The following MARCHF7 variants were observed in gnomAD, a reference collection of about 807,000 sequenced individuals.
MARCHF7 encodes the protein E3 ubiquitin-protein ligase MARCHF7.
A neutral mutation model predicts 76.5 loss-of-function variants in MARCHF7; 20 were observed. The observed-to-expected ratio is 0.26, with a 90% CI of 0.18 to 0.38. The LOEUF (loss-of-function observed/expected upper bound fraction) is 0.38. MARCHF7 is among the 10% of genes least tolerant of loss of function. The pLI is 1.00. For missense variants in MARCHF7, 797 were observed against 812.9 expected (o/e 0.98, Z 0.24); for synonymous variants, 295 against 293.0 (o/e 1.01, Z -0.07).
intron 3 of MARCHF7, among the ~76,000 whole-genome samples, chr2:159,721,804 A>C (rs377374010): frequency 7.9e-5 from 12 of 152,188 alleles, no homozygotes; most frequent in African/African-American, 2.6e-4. Flanking sequence ...GCCCTATCTG[A>C]CTCCACTTAT....
chr2:159,734,760 C>T (rs1245431786), intron 4 of MARCHF7, among the ~76,000 whole-genome samples: 1 of 149,948 alleles, frequency 6.7e-6, no homozygotes, highest in Admixed American at 6.7e-5. Context: ...TCACTTGTGG[C>T]CAGGAGTTCG....
chr2:159,730,748 T>TAAA (rs1243924273), intron 4 of MARCHF7, among the ~76,000 whole-genome samples: 1 of 152,170 alleles, frequency 6.6e-6, no homozygotes, highest in African/African-American at 2.4e-5. Context: ...TGTCTACTCA[T>TAAA]TTTTGTCTAA....
chr2:159,716,614 G>A (rs576208513), intron 3 of MARCHF7, among the ~76,000 whole-genome samples: 2 of 151,728 alleles, frequency 1.3e-5, no homozygotes, highest in South Asian at 4.2e-4. Flanking sequence ...CTGCACTCTG[G>A]CCTGGGCAGC....
At chr2:159,728,789 C>T (rs545917323) in intron 3 of MARCHF7, among the ~76,000 whole-genome samples, 1 of 152,304 alleles carries the variant, frequency 6.6e-6, no homozygotes, top group East Asian at 1.9e-4. Flanking sequence ...CTTCATTCCA[C>T]TTTTACCATG....
rs746819956 is a variant in MARCHF7 at position 159,748,450 on chromosome 2, C to G, written c.1160C>G (p.Ser387Cys). ...GGTAGAAATACAGGACCATGGTTAT[C>G]TTCCTCACTTAGAAATAGATGCACA... The part of the protein sequence containing the change: ...SEGRNTGPWL[S>C]SSLRNRCTPL... Residue 387 changes from serine to cysteine, a missense_variant, in exon 7 of 12, where the codon TCT (serine) becomes TGT (cysteine). Physicochemically the swap from Ser to Cys is moderately radical, Grantham distance 112. Transcript: ENST00000409175. 1.9e-5 allele frequency: 30 copies of G among 1,614,044 alleles called. 1 individual carries two copies. In the South Asian group the frequency reaches 2.0e-4, roughly 11 times the overall value.
At chr2:159,718,536 G>T (rs1278361829) in intron 3 of MARCHF7, among the ~76,000 whole-genome samples, 1 of 152,048 alleles carries the variant, frequency 6.6e-6, no homozygotes, top group Middle Eastern at 3.2e-3. Context: ...TAGCATAATG[G>T]AAGGGGATAC....
At chr2:159,745,240 C>T (rs13416123) in intron 5 of MARCHF7, among the ~76,000 whole-genome samples, 6,308 of 152,160 alleles carry the variant, frequency 0.041, 416 homozygotes, top group African/African-American at 0.14. Flanking sequence ...TAATGTTAGG[C>T]AGAGAAGAAT....
At chr2:159,754,996 T>C (rs533409703) in intron 8 of MARCHF7, among the ~76,000 whole-genome samples, 3 of 152,302 alleles carry the variant, frequency 2.0e-5, no homozygotes, top group Non-Finnish European at 4.4e-5. Context: ...AGTTTTCAGA[T>C]GCTTGGGATA....
chr2:159,717,814 C>T (rs775955754), intron 3 of MARCHF7, among the ~76,000 whole-genome samples: 12 of 152,104 alleles, frequency 7.9e-5, no homozygotes, highest in Non-Finnish European at 2.9e-5. Context: ...CCCGAGATAA[C>T]AGCAAAATAA....
In MARCHF7 at chr2:159,748,615, G is replaced by A. The variant is rs560509503; in HGVS notation, c.1325G>A (p.Gly442Glu). 7.5e-5 allele frequency: 121 copies of A among 1,614,160 alleles called. No individual in the cohort carries two copies. In the South Asian group the frequency reaches 1.2e-3, roughly 16 times the overall value. ...VHLEAQNDPLGAAANRPQASA... is the reference protein window; with the variant it reads ...VHLEAQNDPLEAAANRPQASA... ...CTTGAAGCACAGAATGATCCTCTTG[G>A]AGCTGCTGCCAACAGACCACAAGCA... The change falls in exon 7 of 12, where the codon GGA becomes GAA. Residue 442 changes from glycine (G) to glutamate (E), a missense_variant. This residue lies in a region of MARCHF7 where 643 missense variants were observed against 631.5 expected (regional missense o/e 1.02). Transcript: ENST00000409175.
intron 3 of MARCHF7, among the ~76,000 whole-genome samples, chr2:159,726,972 C>T (rs959105109): frequency 6.6e-6 from 1 of 152,158 alleles, no homozygotes; most frequent in African/African-American, 2.4e-5. Flanking sequence ...ATAGGTTATA[C>T]TATATAATCC....
chr2:159,768,202 T>C lies in MARCHF7; in HGVS notation c.*860T>C, dbSNP rs147775590. ...GTTTTTTAGTGTTGTCACTTGTTTA[T>C]AGATAAATATATAAATAACCTGTTT... On this transcript the variant is annotated 3_prime_UTR_variant, in exon 12 of 12. Transcript: ENST00000409175. The C allele has an allele frequency of 6.5e-6, 1 of 152,698 alleles. No individual in the cohort carries two copies. The highest frequency in any genetic ancestry group is 1.5e-5 in the Non-Finnish European group (1 of 67,974). 9.5% of individuals were successfully genotyped at this position (152,698 alleles called of 1,614,324 possible).
chr2:159,767,241 C>T (rs1283009936), intron 11 of MARCHF7, 43 bp from the exon 12 acceptor site: 1 of 1,406,368 alleles, frequency 7.1e-7, no homozygotes, highest in Non-Finnish European at 1.0e-6. Context: ...CCATTCTTAT[C>T]CCCCTTAAAA....
At chr2:159,722,241 G>A (rs1701717460) in intron 3 of MARCHF7, among the ~76,000 whole-genome samples, 1 of 152,088 alleles carries the variant, frequency 6.6e-6, no homozygotes, top group Non-Finnish European at 1.5e-5. Flanking sequence ...GGCTTCAAGT[G>A]ATTCTTGTGC....
At chr2:159,725,732 T>G (rs1702090293) in intron 3 of MARCHF7, among the ~76,000 whole-genome samples, 1 of 152,228 alleles carries the variant, frequency 6.6e-6, no homozygotes, top group Admixed American at 6.5e-5. Context: ...ACTTTGGTCC[T>G]TCTTTCATAT....
At chr2:159,764,506 A>AT (rs1457678408) in intron 10 of MARCHF7, 120 bp from the exon 11 acceptor site, 6 of 597,796 alleles carry the variant, frequency 1.0e-5, no homozygotes, top group African/African-American at 7.7e-5. Context: ...AAAAACCCCT[A>AT]TTTAAAGGCT....
chr2:159,715,272 ATCT>A (rs34885929), intron 2 of MARCHF7, among the ~76,000 whole-genome samples: 9,746 of 152,252 alleles, frequency 0.064, 401 homozygotes, highest in Middle Eastern at 0.18. Context: ...CAAAAAATTT[ATCT>A]TAATATACAG....
At chr2:159,741,306 G>C (rs1704091359) in intron 4 of MARCHF7, among the ~76,000 whole-genome samples, 1 of 152,082 alleles carries the variant, frequency 6.6e-6, no homozygotes, top group South Asian at 2.1e-4. Flanking sequence ...AGCTGTGATT[G>C]TGCCACTGCA....
intron 9 of MARCHF7, among the ~76,000 whole-genome samples, chr2:159,762,629 A>G (rs367832087): frequency 3.9e-4 from 59 of 152,318 alleles, no homozygotes; most frequent in African/African-American, 1.3e-3. Context: ...TCCACCATCA[A>G]ATTATTTAAA....
Sources: allele counts gnomAD v4.1 joint callset (sites outside exome capture counted in the v4.1 genomes callset), GRCh38; gene constraint gnomAD v4.1.1; regional missense constraint gnomAD v4.1.1; transcripts MANE v1.5; gene names NCBI Gene and HGNC (gene_info 2026-07-23, HGNC 2026-07-21).